RORA: variants seen among roughly 807,000 people sequenced by gnomAD.
RORA encodes RAR related orphan receptor A, also known as nuclear receptor ROR-alpha.
Under a neutral mutation model 69.5 loss-of-function variants are expected in RORA, and 7 were observed. The ratio of observed to expected loss-of-function variants is 0.10; its 90% CI spans 0.06 to 0.19. RORA has a LOEUF of 0.19. Ranked by LOEUF, RORA falls within the 10% of genes least tolerant of loss-of-function variation. The probability of loss-of-function intolerance (pLI) is 1.00; values close to 1 mark genes in which losing one functional copy is unlikely to be tolerated. For synonymous variants in RORA, 261 were observed against 240.8 expected, an observed-to-expected ratio of 1.08 and a Z score of -0.78; for missense variants, 457 against 663.0, an observed-to-expected ratio of 0.69 and a Z score of 3.41.
At chr15:61,083,341 C>T (rs559858902) in intron 1 of RORA, among the ~76,000 whole-genome samples, 10 of 152,148 alleles carry the variant, frequency 6.6e-5, no homozygotes, top group Non-Finnish European at 1.5e-4. Context: ...ACGCCTAGTT[C>T]CGGTAGGGAT....
intron 3 of RORA, among the ~76,000 whole-genome samples, chr15:60,524,285 A>G (rs2066274122): frequency 1.3e-5 from 2 of 152,032 alleles, no homozygotes; most frequent in African/African-American, 4.8e-5. Flanking sequence ...ATTCCCTCCA[A>G]TCCATTTCAC....
At chr15:60,775,859 C>A (rs186914370) in intron 1 of RORA, among the ~76,000 whole-genome samples, 1 of 152,210 alleles carries the variant, frequency 6.6e-6, no homozygotes, top group Non-Finnish European at 1.5e-5. Context: ...AGCACCCCGT[C>A]CTTTCATGGC....
chr15:60,686,193 CA>C (rs549335105), intron 1 of RORA, among the ~76,000 whole-genome samples: 20 of 152,248 alleles, frequency 1.3e-4, no homozygotes, highest in Admixed American at 1.2e-3. Context: ...TTATCTTTAA[CA>C]AAACAGTTCC....
At chr15:60,577,828 G>A (rs933263927) in intron 2 of RORA, among the ~76,000 whole-genome samples, 3 of 151,976 alleles carry the variant, frequency 2.0e-5, no homozygotes, top group African/African-American at 7.3e-5. Context: ...AAGACAAAAA[G>A]TTAGCATGAA....
intron 1 of RORA, among the ~76,000 whole-genome samples, chr15:60,839,042 C>T (rs558800841): frequency 1.3e-5 from 2 of 152,198 alleles, no homozygotes; most frequent in South Asian, 4.2e-4. Flanking sequence ...GCGCCCGCCA[C>T]CACACCCACC....
intron 1 of RORA, among the ~76,000 whole-genome samples, chr15:60,731,538 C>T (rs984369128): frequency 6.6e-6 from 1 of 152,204 alleles, no homozygotes; most frequent in Admixed American, 6.5e-5. Context: ...AATCAGTCCC[C>T]TGCCTAGAGA....
At chr15:60,887,741 C>T (rs2073767395) in intron 1 of RORA, among the ~76,000 whole-genome samples, 1 of 152,164 alleles carries the variant, frequency 6.6e-6, no homozygotes, top group Admixed American at 6.5e-5. Flanking sequence ...TTTCAAAGGA[C>T]TAATCCAGGC....
chr15:60,798,715 A>G (rs74707933), intron 1 of RORA, among the ~76,000 whole-genome samples: 2,058 of 152,178 alleles, frequency 0.014, 32 homozygotes, highest in South Asian at 0.026. Flanking sequence ...CTTAAGTATC[A>G]GACAGATCCA....
chr15:60,638,183 C>A (rs2069874062), intron 2 of RORA, among the ~76,000 whole-genome samples: 1 of 151,992 alleles, frequency 6.6e-6, no homozygotes, highest in Non-Finnish European at 1.5e-5. Context: ...GATATCAACC[C>A]ATCTATCTGT....
chr15:60,738,496 CT>C (rs1267200322), intron 1 of RORA, among the ~76,000 whole-genome samples: 2 of 151,948 alleles, frequency 1.3e-5, no homozygotes, highest in Non-Finnish European at 2.9e-5. Context: ...GCCCTGGGTG[CT>C]TTTGGCTTCA....
chr15:60,821,616 A>G (rs767459935), intron 1 of RORA, among the ~76,000 whole-genome samples: 17 of 152,196 alleles, frequency 1.1e-4, no homozygotes, highest in Non-Finnish European at 2.2e-4. Flanking sequence ...CTAGGTTGTA[A>G]GCTCTATGAT....
chr15:60,732,678 G>A (rs184201186), intron 1 of RORA, among the ~76,000 whole-genome samples: 10 of 151,892 alleles, frequency 6.6e-5, no homozygotes, highest in Admixed American at 1.3e-4. Context: ...ATATCCACCC[G>A]TGGACAAACA....
intron 1 of RORA, among the ~76,000 whole-genome samples, chr15:60,812,583 T>C (rs546107712): frequency 6.6e-6 from 1 of 152,316 alleles, no homozygotes; most frequent in Non-Finnish European, 1.5e-5. Context: ...CCCCAGTGAC[T>C]GGCACAAAGA....
intron 1 of RORA, among the ~76,000 whole-genome samples, chr15:60,683,639 G>GATACAC (rs1235845979): frequency 1.8e-5 from 1 of 56,696 alleles, no homozygotes; most frequent in Non-Finnish European, 3.2e-5. Flanking sequence ...ATTTTACCCA[G>GATACAC]ATACACATAC....
chr15:60,605,892 C>T (rs920948059), intron 2 of RORA, among the ~76,000 whole-genome samples: 3 of 152,108 alleles, frequency 2.0e-5, no homozygotes, highest in Non-Finnish European at 4.4e-5. Flanking sequence ...CATCATTTGC[C>T]GACAGACATC....
At chr15:61,103,943 C>A (rs967449959) in intron 1 of RORA, among the ~76,000 whole-genome samples, 9 of 152,194 alleles carry the variant, frequency 5.9e-5, no homozygotes, top group African/African-American at 2.2e-4. Flanking sequence ...TTCTTCCCCT[C>A]CCCTGATGTT....
intron 1 of RORA, among the ~76,000 whole-genome samples, chr15:60,816,785 ATCT>A (rs1258047982): frequency 6.6e-6 from 1 of 151,776 alleles, no homozygotes; most frequent in Non-Finnish European, 1.5e-5. Context: ...GTCTCCAGCT[ATCT>A]TCTTGCATTT....
chr15:60,997,884 C>T (rs546180891), intron 1 of RORA, among the ~76,000 whole-genome samples: 1 of 152,310 alleles, frequency 6.6e-6, no homozygotes, highest in Admixed American at 6.5e-5. Flanking sequence ...GAGCCATAAC[C>T]TCAAGGAAAC....
chr15:60,794,700 C>T (rs1288786445), intron 1 of RORA, among the ~76,000 whole-genome samples: 2 of 152,200 alleles, frequency 1.3e-5, no homozygotes, highest in East Asian at 1.9e-4. Flanking sequence ...AATTTCTAAA[C>T]GATTGGCCAC....
Sources: allele counts gnomAD v4.1 joint callset (sites outside exome capture counted in the v4.1 genomes callset), GRCh38; gene constraint gnomAD v4.1.1; transcripts MANE v1.5; gene names NCBI Gene and HGNC (gene_info 2026-07-23, HGNC 2026-07-21).